The following SPON1 variants were observed in gnomAD, a reference collection of about 807,000 sequenced individuals.
SPON1 encodes spondin-1.
A neutral mutation model predicts 111.7 loss-of-function variants in SPON1; 52 were observed. The observed-to-expected ratio is 0.47, with a 90% CI of 0.37 to 0.59. The LOEUF is 0.59. Among genes scored for constraint, SPON1 ranks in the 20% least tolerant of loss-of-function variants. SPON1 has a pLI of 0.00. For synonymous variants in SPON1, 410 were observed against 395.8 expected, an observed-to-expected ratio of 1.04 and a Z score of -0.43; for missense variants, 957 against 1,068.5, an observed-to-expected ratio of 0.90 and a Z score of 1.46.
At chr11:14,077,037 ATCCAGGTG>A (rs1297408037) in intron 4 of SPON1, among the ~76,000 whole-genome samples, 2 of 152,320 alleles carry the variant, frequency 1.3e-5, no homozygotes, top group East Asian at 3.9e-4. Flanking sequence ...ATGTGATGAG[ATCCAGGTG>A]CTGTGGTGGA....
intron 6 of SPON1, among the ~76,000 whole-genome samples, chr11:14,234,593 A>G (rs782455259): frequency 6.6e-6 from 1 of 152,220 alleles, no homozygotes; most frequent in Non-Finnish European, 1.5e-5. Flanking sequence ...GTGCCAGCAC[A>G]CAGAAGGTCA....
At position 14,096,404 on chromosome 11, in the gene SPON1, T is replaced by G. The variant is rs1554923873; in HGVS notation, c.676+16383T>G. ...GGTGTGTTTTTTAGGGATTTCATTC[T>G]CACCCCCAGATCCACTCTTCTCTCC... On this transcript the variant is annotated intron_variant, in intron 5 of 15. Coordinates refer to ENST00000576479, the MANE Select transcript of SPON1 (RefSeq NM_006108.4). Among the ~76,000 whole-genome samples, 5 of 152,352 alleles carry G rather than the reference T, an allele frequency of 3.3e-5. No individual in the cohort carries two copies. In the South Asian group the frequency reaches 8.3e-4, roughly 25 times the overall value.
intron 6 of SPON1, among the ~76,000 whole-genome samples, chr11:14,221,460 A>C (rs539755293): frequency 6.6e-6 from 1 of 152,220 alleles, no homozygotes; most frequent in East Asian, 1.9e-4. Context: ...GGCTATTTCT[A>C]CTACACCTGG....
At chr11:14,216,885 T>A (rs1254237819) in intron 6 of SPON1, among the ~76,000 whole-genome samples, 1 of 152,200 alleles carries the variant, frequency 6.6e-6, no homozygotes, top group Non-Finnish European at 1.5e-5. Flanking sequence ...AATTAGTTGA[T>A]AAAGAATGAG....
At chr11:14,230,909 C>T (rs1848792885) in intron 6 of SPON1, among the ~76,000 whole-genome samples, 1 of 151,930 alleles carries the variant, frequency 6.6e-6, no homozygotes, top group African/African-American at 2.4e-5. Flanking sequence ...CCACCTCAGC[C>T]TCCTGAGTAG....
At chr11:14,231,705 T>C (rs1158728634) in intron 6 of SPON1, among the ~76,000 whole-genome samples, 3 of 152,212 alleles carry the variant, frequency 2.0e-5, no homozygotes, top group Non-Finnish European at 4.4e-5. Flanking sequence ...CTATACAAAC[T>C]GTACTGTAGT....
intron 2 of SPON1, among the ~76,000 whole-genome samples, chr11:14,032,730 T>G (rs2133809370): frequency 6.6e-6 from 1 of 152,238 alleles, no homozygotes; most frequent in African/African-American, 2.4e-5. Flanking sequence ...TTCATCTACT[T>G]TTTACTCTAT....
At chr11:14,116,171 ATCT>A (rs1175717427) in intron 5 of SPON1, among the ~76,000 whole-genome samples, 35 of 152,154 alleles carry the variant, frequency 2.3e-4, no homozygotes, top group African/African-American at 7.7e-4. Flanking sequence ...TATTGCAGAC[ATCT>A]TCTCCCATTC....
intron 6 of SPON1, among the ~76,000 whole-genome samples, chr11:14,156,479 G>A (rs1482341241): frequency 6.7e-6 from 1 of 149,186 alleles, no homozygotes; most frequent in African/African-American, 2.5e-5. Context: ...CTTTTGCTCT[G>A]CAGAAGCTCT....
intron 6 of SPON1, among the ~76,000 whole-genome samples, chr11:14,175,394 T>C (rs1335241790): frequency 5.9e-5 from 9 of 152,148 alleles, no homozygotes; most frequent in African/African-American, 2.2e-4. Context: ...TTTCCTACAG[T>C]ATTGGTTTCA....
intron 2 of SPON1, among the ~76,000 whole-genome samples, chr11:13,993,502 T>C (rs1396911694): frequency 2.0e-5 from 3 of 152,192 alleles, no homozygotes; most frequent in Non-Finnish European, 4.4e-5. Context: ...GCTGCCCAGC[T>C]CACTCTCTTG....
At chr11:13,973,243 C>T (rs1474195022) in intron 1 of SPON1, among the ~76,000 whole-genome samples, 1 of 152,168 alleles carries the variant, frequency 6.6e-6, no homozygotes, top group Admixed American at 6.5e-5. Context: ...AGGGCAATGG[C>T]ATGGAGATAG....
intron 2 of SPON1, among the ~76,000 whole-genome samples, chr11:13,988,415 CT>C: frequency 1.3e-5 from 2 of 152,282 alleles, no homozygotes; most frequent in East Asian, 3.9e-4. Flanking sequence ...TATCCTGAGA[CT>C]TTGCTGAAGT....
intron 5 of SPON1, among the ~76,000 whole-genome samples, chr11:14,085,108 G>A (rs997071011): frequency 2.0e-5 from 3 of 152,148 alleles, no homozygotes; most frequent in Non-Finnish European, 2.9e-5. Context: ...TGTTCGCTGT[G>A]ATGCTAGTTT....
At chr11:14,071,885 G>C (rs938386318) in intron 3 of SPON1, among the ~76,000 whole-genome samples, 1 of 152,102 alleles carries the variant, frequency 6.6e-6, no homozygotes, top group Non-Finnish European at 1.5e-5. Flanking sequence ...TTTTGGTAGA[G>C]ATGAGGTTTT....
intron 6 of SPON1, among the ~76,000 whole-genome samples, chr11:14,161,239 ATATATC>A (rs1304606313): frequency 9.6e-6 from 1 of 104,292 alleles, no homozygotes; most frequent in South Asian, 3.0e-4. Context: ...TTATATATTT[ATATATC>A]TATATATTTA....
At chr11:14,047,238 A>T (rs1554917922) in intron 3 of SPON1, among the ~76,000 whole-genome samples, 1 of 152,184 alleles carries the variant, frequency 6.6e-6, no homozygotes, top group African/African-American at 2.4e-5. Flanking sequence ...TGCTTATTCC[A>T]GATTTTAATG....
chr11:14,079,386 T>G (rs1281836459), intron 4 of SPON1, among the ~76,000 whole-genome samples: 1 of 152,224 alleles, frequency 6.6e-6, no homozygotes, highest in Non-Finnish European at 1.5e-5. Flanking sequence ...CTTTTTTTTC[T>G]CCCTTCAGTA....
At chr11:14,143,603 AATTT>A (rs1391611251) in intron 6 of SPON1, among the ~76,000 whole-genome samples, 9 of 152,002 alleles carry the variant, frequency 5.9e-5, no homozygotes, top group African/African-American at 2.2e-4. Context: ...GTAGAAGATA[AATTT>A]ATATTTCAGG....
Sources: gnomAD v4.1 joint callset for allele counts (sites outside exome capture counted in the v4.1 genomes callset) on GRCh38, gnomAD v4.1.1 for gene constraint, MANE v1.5 for transcripts, NCBI Gene and HGNC (gene_info 2026-07-23, HGNC 2026-07-21) for gene names.